The following PCLO variants were observed in gnomAD, a reference collection of about 807,000 sequenced individuals.
PCLO encodes the protein piccolo presynaptic cytomatrix protein, also known as protein piccolo.
Under a neutral mutation model 427.5 loss-of-function variants are expected in PCLO, and 82 were observed. That is an observed-to-expected ratio of 0.19 (90% confidence interval 0.16 to 0.23). The LOEUF is 0.23. Ranked by LOEUF, PCLO falls within the 10% of genes least tolerant of loss-of-function variation. The probability of loss-of-function intolerance (pLI) is 1.00; values close to 1 mark genes in which losing one functional copy is unlikely to be tolerated. For missense variants in PCLO, 6,239 were observed against 6,115.9 expected, an observed-to-expected ratio of 1.02 and a Z score of -0.67; for synonymous variants, 2,357 against 2,155.4, an observed-to-expected ratio of 1.09 and a Z score of -2.59.
intron 3 of PCLO, among the ~76,000 whole-genome samples, chr7:83,006,515 A>G (rs1231920651): frequency 6.6e-6 from 1 of 151,596 alleles, no homozygotes; most frequent in African/African-American, 2.4e-5. Flanking sequence ...CTGCTGTTTC[A>G]TAAGAGATGC....
intron 22 of PCLO, among the ~76,000 whole-genome samples, chr7:82,790,723 G>A (rs1791083615): frequency 1.3e-5 from 2 of 152,140 alleles, no homozygotes; most frequent in African/African-American, 2.4e-5. Context: ...CTTGTGAAAA[G>A]AGAAGCACAG....
chr7:82,785,401 C>T (rs1299681234), intron 22 of PCLO, among the ~76,000 whole-genome samples: 1 of 152,156 alleles, frequency 6.6e-6, no homozygotes, highest in Non-Finnish European at 1.5e-5. Flanking sequence ...GGCCTGGTTT[C>T]TAACAGGCCA....
chr7:82,926,770 G>T (rs1209557494), intron 6 of PCLO, among the ~76,000 whole-genome samples: 1 of 152,164 alleles, frequency 6.6e-6, no homozygotes, highest in Non-Finnish European at 1.5e-5. Context: ...AAGTCCCAAA[G>T]AGATTAATTT....
chr7:82,805,789 G>A lies in PCLO; in HGVS notation c.14832C>T (p.Ser4944=), dbSNP rs372915919. ...PNHRPAESSV[S]TGSSGSSFGS... is the part of the protein sequence containing the mutation. ...CAAAGCTGCTGCCCGAGGAGCCGGT[G>A]GACACAGAGCTTTCTGCAGGCCGGT... Residue 4944 remains serine (S), a synonymous_variant, in exon 21 of 25, where the codon TCC becomes TCT. Coordinates refer to ENST00000333891, the MANE Select transcript of PCLO (RefSeq NM_033026.6). 5.6e-6 allele frequency: 9 copies of A among 1,608,398 alleles called. No homozygotes were observed. Among genetic ancestry groups the A allele is most frequent in the African/African-American group, 1.3e-5 (1 of 74,918 alleles).
Position 82,954,831 on chromosome 7 carries a change from T to C in PCLO, c.6122A>G (p.Glu2041Gly). 6.2e-7 allele frequency: 1 copy of C among 1,613,842 alleles called. No homozygotes were observed. The highest frequency in any genetic ancestry group is 8.5e-7 in the Non-Finnish European group (1 of 1,179,792). ...SSSFIIPESH[E>G]IVDLGTMVTS... ...TACCATAGTACCCAGGTCCACTATCTCATGGCTTTCTGGGATGATAAAAGA... is the reference window on the plus strand; with the variant it reads ...TACCATAGTACCCAGGTCCACTATCCCATGGCTTTCTGGGATGATAAAAGA... Residue 2041 changes from glutamate to glycine, a missense_variant, in exon 5 of 25, where the codon GAG becomes GGG. Glu to Gly is a moderately conservative substitution (Grantham distance 98). Around this residue, in one of 5 missense-constraint regions of PCLO, gnomAD observed 4,677 missense variants for 4,468.4 expected, o/e 1.05. Transcript: ENST00000333891.
chr7:82,969,744 A>T (rs1795859791), intron 3 of PCLO, among the ~76,000 whole-genome samples: 1 of 152,026 alleles, frequency 6.6e-6, no homozygotes, highest in Non-Finnish European at 1.5e-5. Flanking sequence ...TCATCAAGGG[A>T]CCAACATTCA....
At position 83,135,147 on chromosome 7, in the gene PCLO, T is replaced by A; in HGVS notation, c.2403A>T (p.Lys801Asn). Residue 801 changes from lysine to asparagine, a missense_variant, in exon 3 of 25, where the codon AAA becomes AAT. Lys to Asn is a moderately conservative substitution (Grantham distance 94). This residue lies in a region of PCLO where 4,677 missense variants were observed against 4,468.4 expected (regional missense o/e 1.05). Transcript: ENST00000333891. ...CTGTTGGTGGAAAACTCTGTGAGGG[T>A]TTGGCAGAGTCTGTTTTTAGAGGAG... ...TTPPLKTDSA[K>N]PSQSFPPTGE... The A allele has an allele frequency of 1.2e-6, 2 of 1,613,826 alleles. No individual in the cohort carries two copies. Among genetic ancestry groups the A allele is most frequent in the Non-Finnish European group, 1.7e-6 (2 of 1,179,860 alleles).
At chr7:83,012,621 GAAAAAAAAAA>G (rs537818971) in intron 3 of PCLO, among the ~76,000 whole-genome samples, 1 of 66,738 alleles carries the variant, frequency 1.5e-5, no homozygotes, top group African/African-American at 5.8e-5. Context: ...CTGTCTCAAG[GAAAAAAAAAA>G]AAAAAAAAAA....
intron 3 of PCLO, among the ~76,000 whole-genome samples, chr7:83,050,232 A>ACAC (rs1583957635): frequency 8.7e-6 from 1 of 114,546 alleles, no homozygotes; most frequent in Admixed American, 9.8e-5. Flanking sequence ...AAAAAAAAAA[A>ACAC]AAAAACACAA....
intron 3 of PCLO, among the ~76,000 whole-genome samples, chr7:83,070,310 A>G (rs1054836804): frequency 1.3e-5 from 2 of 152,292 alleles, no homozygotes; most frequent in African/African-American, 4.8e-5. Context: ...GACCTAGAGC[A>G]AGAACAACCT....
intron 3 of PCLO, among the ~76,000 whole-genome samples, chr7:82,975,010 C>A (rs1795986773): frequency 6.6e-6 from 1 of 152,114 alleles, no homozygotes. Flanking sequence ...ATCTCCTGAC[C>A]TGGTGATCCA....
chr7:82,997,573 G>A (rs951881422), intron 3 of PCLO, among the ~76,000 whole-genome samples: 1 of 151,854 alleles, frequency 6.6e-6, no homozygotes, highest in Non-Finnish European at 1.5e-5. Flanking sequence ...TTATAAGCAA[G>A]CAGAGTTGCA....
At chr7:82,835,795 T>C in intron 15 of PCLO, 102 bp from the exon 16 acceptor site, 1 of 872,812 alleles carries the variant, frequency 1.1e-6, no homozygotes, top group Non-Finnish European at 1.8e-6. Flanking sequence ...AACATGAAAA[T>C]AATAACTAGA....
rs1795459807 is a variant in PCLO at position 82,954,591 on chromosome 7, C to A, written c.6362G>T (p.Ser2121Ile). 1.9e-6 allele frequency: 3 copies of A among 1,613,896 alleles called. No individual in the cohort carries two copies. Among genetic ancestry groups the A allele is most frequent in the East Asian group, 4.5e-5 (2 of 44,856 alleles). The change falls in exon 5 of 25, where the codon AGC (serine) becomes ATC (isoleucine). Residue 2121 changes from serine (S) to isoleucine (I), a missense_variant. By Grantham distance (142) the Ser-to-Ile change is moderately radical (BLOSUM62 -2). Coordinates refer to ENST00000333891, the MANE Select transcript of PCLO (RefSeq NM_033026.6). The part of the protein sequence containing the change: ...LSGASLTDST[S>I]SATLSIPDVK... Reference sequence around the variant, plus strand: ...ATCTGGGATAGAGAGTGTTGCACTGCTGGTCGAATCTGTAAGAGACGCTCC... The same window carrying A: ...ATCTGGGATAGAGAGTGTTGCACTGATGGTCGAATCTGTAAGAGACGCTCC...
chr7:83,095,194 G>C (rs1278317156), intron 3 of PCLO, among the ~76,000 whole-genome samples: 1 of 151,872 alleles, frequency 6.6e-6, no homozygotes, highest in Admixed American at 6.6e-5. Flanking sequence ...ACGGGAGTTT[G>C]TGTTTTTTGA....
chr7:82,840,732 G>C (rs1012094285), intron 14 of PCLO, among the ~76,000 whole-genome samples: 1 of 151,952 alleles, frequency 6.6e-6, no homozygotes, highest in African/African-American at 2.4e-5. Context: ...ATGTATTAGA[G>C]ATGCAGCTAA....
intron 3 of PCLO, among the ~76,000 whole-genome samples, chr7:83,046,914 G>A (rs964515161): frequency 1.2e-4 from 18 of 151,876 alleles, no homozygotes; most frequent in Admixed American, 1.2e-3. Context: ...AAAGTAAGAA[G>A]AAAAATCAAT....
chr7:82,758,431 T>A lies in PCLO; in HGVS notation c.*144A>T. ...TTTGTGTGATCCACAACAATAAATG[T>A]ACAAGGTCTTAAGTATGTTTTTGCT... On this transcript the variant is annotated 3_prime_UTR_variant, in exon 25 of 25. Coordinates refer to ENST00000333891, the MANE Select transcript of PCLO (RefSeq NM_033026.6). The A allele has an allele frequency of 1.7e-6, 1 of 578,068 alleles. No homozygotes were observed. Among genetic ancestry groups the A allele is most frequent in the East Asian group, 2.9e-5 (1 of 34,952 alleles). The allele number at this position is 578,068 out of a possible 1,614,324, so 35.8% of individuals were successfully genotyped here.
At chr7:82,884,902 G>T (rs964659344) in intron 9 of PCLO, among the ~76,000 whole-genome samples, 2 of 152,114 alleles carry the variant, frequency 1.3e-5, no homozygotes, top group Non-Finnish European at 1.5e-5. Context: ...TGATGTGCTT[G>T]ATAAAATAAA....
Sources: gnomAD v4.1 joint callset for allele counts (sites outside exome capture counted in the v4.1 genomes callset) on GRCh38, gnomAD v4.1.1 for gene constraint, gnomAD v4.1.1 regional missense constraint, MANE v1.5 for transcripts, NCBI Gene and HGNC (gene_info 2026-07-23, HGNC 2026-07-21) for gene names.